The following TASP1 variants were observed in gnomAD, a reference collection of about 807,000 sequenced individuals.
The protein encoded by TASP1 is threonine aspartase 1.
TASP1 carries 16 observed loss-of-function variants against 56.6 expected under a neutral mutation model. That is an observed-to-expected ratio of 0.28 (90% CI 0.19 to 0.43). The LOEUF (loss-of-function observed/expected upper bound fraction) is 0.43. TASP1 is among the 20% of genes least tolerant of loss of function. The pLI is 1.00. For synonymous variants in TASP1, 179 were observed against 184.2 expected, an observed-to-expected ratio of 0.97 and a Z score of 0.23; for missense variants, 393 against 511.6, an observed-to-expected ratio of 0.77 and a Z score of 2.24.
chr20:13,115,063 A>C, the TASP1 span, among the ~76,000 whole-genome samples: 1 of 152,242 alleles, frequency 6.6e-6, no homozygotes, highest in Non-Finnish European at 1.5e-5. Context: ...TATTGAAGTC[A>C]AAAGAAAAAC....
chr20:13,537,819 C>G (rs1482719801), intron 8 of TASP1, among the ~76,000 whole-genome samples: 1 of 151,954 alleles, frequency 6.6e-6, no homozygotes, highest in Non-Finnish European at 1.5e-5. Context: ...ATAAGCAGTC[C>G]CTGTTTTCTC....
At chr20:13,467,529 A>C (rs1195230025) in intron 11 of TASP1, among the ~76,000 whole-genome samples, 2 of 152,148 alleles carry the variant, frequency 1.3e-5, no homozygotes, top group African/African-American at 4.8e-5. Context: ...GTTGTCAGTC[A>C]ATTGGTACTT....
intron 6 of TASP1, among the ~76,000 whole-genome samples, chr20:13,579,371 A>AT (rs879806486): frequency 3.6e-3 from 517 of 145,514 alleles, no homozygotes; most frequent in South Asian, 0.011. Context: ...CAAGTGTAAG[A>AT]TTTTTTTTTT....
chr20:13,234,694 T>C, the TASP1 span, among the ~76,000 whole-genome samples: 1 of 152,232 alleles, frequency 6.6e-6, no homozygotes, highest in South Asian at 2.1e-4. Context: ...TTTTTATTTC[T>C]CTGATAATTA....
intron 8 of TASP1, among the ~76,000 whole-genome samples, chr20:13,535,458 A>G (rs1394418389): frequency 6.6e-6 from 1 of 152,134 alleles, no homozygotes; most frequent in Admixed American, 6.6e-5. Flanking sequence ...ATACACTATG[A>G]CAGTACTTAG....
At chr20:13,619,454 G>A (rs1026032217) in intron 4 of TASP1, among the ~76,000 whole-genome samples, 1 of 152,012 alleles carries the variant, frequency 6.6e-6, no homozygotes, top group East Asian at 1.9e-4. Flanking sequence ...TGAGCTTCAG[G>A]CAGTATTTTA....
chr20:13,394,766 AT>A (rs553493377), intron 13 of TASP1, among the ~76,000 whole-genome samples: 30 of 152,204 alleles, frequency 2.0e-4, no homozygotes, highest in Admixed American at 5.2e-4. Flanking sequence ...TGTAGTTATA[AT>A]TTGCCGCTTT....
At chr20:13,597,931 G>A (rs112258560) in intron 4 of TASP1, among the ~76,000 whole-genome samples, 3 of 152,096 alleles carry the variant, frequency 2.0e-5, no homozygotes, top group Non-Finnish European at 2.9e-5. Flanking sequence ...TCCCATTCAC[G>A]GTTGCTACAA....
the TASP1 span, among the ~76,000 whole-genome samples, chr20:13,163,342 T>G: frequency 7.6e-6 from 1 of 130,858 alleles, no homozygotes; most frequent in Non-Finnish European, 1.5e-5. Context: ...CACTCCAGCC[T>G]GGGCAACAGA....
At chr20:13,335,587 A>G in the TASP1 span, among the ~76,000 whole-genome samples, 1 of 152,180 alleles carries the variant, frequency 6.6e-6, no homozygotes, top group Admixed American at 6.5e-5. Context: ...AAAGAAAAAA[A>G]GAGTAAATGT....
chr20:13,637,471 A>G (rs1020892706), intron 1 of TASP1, among the ~76,000 whole-genome samples: 2 of 152,248 alleles, frequency 1.3e-5, no homozygotes, highest in African/African-American at 4.8e-5. Flanking sequence ...AAAATAGCCA[A>G]AAAGTAGAAA....
chr20:13,110,598 G>A, the TASP1 span, among the ~76,000 whole-genome samples: 1 of 152,144 alleles, frequency 6.6e-6, no homozygotes. Flanking sequence ...GTTGATGGGT[G>A]GCCCGGATGC....
At chr20:13,199,233 G>A in the TASP1 span, among the ~76,000 whole-genome samples, 2 of 151,470 alleles carry the variant, frequency 1.3e-5, no homozygotes, top group Non-Finnish European at 2.9e-5. Context: ...GTTTTGTTTT[G>A]CCATTAATTT....
chr20:13,200,380 G>T, the TASP1 span, among the ~76,000 whole-genome samples: 2 of 152,172 alleles, frequency 1.3e-5, no homozygotes, highest in African/African-American at 4.8e-5. Context: ...CATCTCTACT[G>T]CAGGTAGCTC....
the TASP1 span, among the ~76,000 whole-genome samples, chr20:13,116,740 C>T: frequency 2.0e-5 from 3 of 152,174 alleles, no homozygotes; most frequent in Non-Finnish European, 2.9e-5. Flanking sequence ...AGCAGTGGCC[C>T]TCTATATGTG....
At chr20:13,372,141 C>T in the TASP1 span, among the ~76,000 whole-genome samples, 2 of 152,196 alleles carry the variant, frequency 1.3e-5, no homozygotes. Flanking sequence ...CCACTCACAT[C>T]TGTGATGATT....
intron 7 of TASP1, among the ~76,000 whole-genome samples, chr20:13,562,907 A>G (rs2046390387): frequency 9.7e-6 from 1 of 103,468 alleles, no homozygotes; most frequent in Non-Finnish European, 1.8e-5. Context: ...CTCTATATAC[A>G]TATATATATG....
intron 11 of TASP1, among the ~76,000 whole-genome samples, chr20:13,449,943 C>G (rs1017043594): frequency 5.9e-5 from 9 of 152,082 alleles, no homozygotes; most frequent in Non-Finnish European, 1.3e-4. Flanking sequence ...TTGCATCTCA[C>G]TTGAATGTAC....
At chr20:13,192,315 T>G in the TASP1 span, among the ~76,000 whole-genome samples, 3 of 152,254 alleles carry the variant, frequency 2.0e-5, no homozygotes, top group East Asian at 3.9e-4. Flanking sequence ...AGAGGGTGGA[T>G]AGCTTGAGCC....
Sources: gnomAD v4.1 joint callset for allele counts (sites outside exome capture counted in the v4.1 genomes callset) on GRCh38, gnomAD v4.1.1 for gene constraint, MANE v1.5 for transcripts, NCBI Gene and HGNC (gene_info 2026-07-23, HGNC 2026-07-21) for gene names.